Variants in STARD8 observed in about 807,000 individuals in gnomAD.
STARD8 encodes the protein StAR related lipid transfer domain containing 8, also known as stAR-related lipid transfer protein 8.
In STARD8, 25 loss-of-function variants were observed where a neutral mutation model predicts 69.4. The ratio of observed to expected loss-of-function variants is 0.36; its 90% CI spans 0.26 to 0.50. The LOEUF (loss-of-function observed/expected upper bound fraction) is 0.50, where lower values mean the gene tolerates loss of function less well. Ranked by LOEUF, STARD8 falls within the 20% of genes least tolerant of loss-of-function variation. The pLI is 0.96. For missense variants in STARD8, 921 were observed against 932.5 expected (o/e 0.99, Z 0.16); for synonymous variants, 389 against 374.6 (o/e 1.04, Z -0.45).
At chrX:68,699,077 C>G in intron 2 of STARD8, among the ~76,000 whole-genome samples, 1 of 111,890 alleles carries the variant, frequency 8.9e-6, no homozygotes, top group Non-Finnish European at 1.9e-5. Flanking sequence ...CTGTGTCTGT[C>G]CCTAGTGGCC....
At position 68,721,029 on chromosome X, in the gene STARD8, G is replaced by A. The variant is rs1283839577; in HGVS notation, c.2155G>A (p.Asp719Asn). 2 of 1,211,461 alleles carry A rather than the reference G, an allele frequency of 1.7e-6. No homozygotes were observed. The highest frequency in any genetic ancestry group is 2.2e-6 in the Non-Finnish European group (2 of 895,272). The part of the protein sequence containing the change: ...NVCYEGQSAY[D>N]VADLLKQYFR... The stretch of plus-strand genomic sequence containing the variant: ...CTGCTACGAGGGCCAGTCAGCCTAC[G>A]ACGTGGCTGACCTGCTAAAGCAGTA... Residue 719 changes from aspartate (D) to asparagine (N), a missense_variant, in exon 9 of 15, where the codon GAC becomes AAC. Transcript: ENST00000374599.
intron 2 of STARD8, among the ~76,000 whole-genome samples, chrX:68,673,543 AAACAAC>A (rs746104369): frequency 1.8e-5 from 2 of 111,829 alleles, no homozygotes; most frequent in Non-Finnish European, 3.8e-5. Flanking sequence ...CTTTTACCAA[AAACAAC>A]AACAACAACA....
intron 3 of STARD8, among the ~76,000 whole-genome samples, chrX:68,714,042 C>G (rs1312226974): frequency 3.6e-5 from 4 of 112,099 alleles, no homozygotes; most frequent in African/African-American, 1.3e-4. Context: ...TATCTTGAAT[C>G]AATCCACTGC....
At position 68,708,482 on chromosome X, in the gene STARD8, C is replaced by T. The variant is rs1416159257; in HGVS notation, c.80-4432C>T. On this transcript the variant is annotated intron_variant, in intron 2 of 14. Transcript: ENST00000374599. ...GACGTGGCCTGTGTAAATGTAGGTG[C>T]AGATACTGTCATTGACCTCAGAAAG... Among the ~76,000 whole-genome samples, 3 of 112,136 alleles carry T rather than the reference C, an allele frequency of 2.7e-5. No individual in the cohort carries two copies. The East Asian group carries it at 8.5e-4, about 32-fold the overall frequency.
intron 4 of STARD8, among the ~76,000 whole-genome samples, chrX:68,715,936 T>C (rs961383606): frequency 8.9e-6 from 1 of 112,620 alleles, no homozygotes; most frequent in African/African-American, 3.2e-5. Flanking sequence ...CTTAGCCCCA[T>C]TGGTCTCATG....
At chrX:68,719,786 C>G (rs2080131400) in intron 7 of STARD8, among the ~76,000 whole-genome samples, 1 of 112,196 alleles carries the variant, frequency 8.9e-6, no homozygotes. Context: ...CCCCACCTTA[C>G]AGACCAGTGG....
chrX:68,687,691 G>A (rs2185713), intron 2 of STARD8, among the ~76,000 whole-genome samples: 7,253 of 112,169 alleles, frequency 0.065, 568 homozygotes, highest in African/African-American at 0.22. Context: ...TTCCTCCGTG[G>A]TAGAAACAAA....
chrX:68,725,578 A>ATATATG lies in STARD8; in HGVS notation c.*1157_*1158insATATGT, dbSNP rs1187742928. The stretch of plus-strand genomic sequence containing the variant: ...CTAATATATATATATATATATATAT[A>ATATATG]TGTGTGTGTGTGTGTGTGTGTATAT... On this transcript the variant is annotated 3_prime_UTR_variant, in exon 15 of 15. Coordinates refer to ENST00000374599, the MANE Select transcript of STARD8 (RefSeq NM_001142503.3). The ATATATG allele has an allele frequency of 4.5e-3, 425 of 94,902 alleles. 6 individuals carry two copies. Among genetic ancestry groups the ATATATG allele is most frequent in the African/African-American group, 0.017 (396 of 22,744 alleles). 7.8% of individuals were successfully genotyped at this position (94,902 alleles called of 1,213,427 possible). A position where few individuals can be genotyped will look rare whatever the true frequency, so the allele number is the denominator to read the frequency against.
At chrX:68,668,111 T>TTCTG (rs1366978437) in intron 2 of STARD8, among the ~76,000 whole-genome samples, 6 of 96,884 alleles carry the variant, frequency 6.2e-5, no homozygotes, top group Non-Finnish European at 8.2e-5. Flanking sequence ...CTTTCTTTCT[T>TTCTG]TCTGTCTTTC....
intron 1 of STARD8, among the ~76,000 whole-genome samples, chrX:68,664,430 T>TA (rs2079670174): frequency 2.7e-5 from 3 of 112,159 alleles, no homozygotes; most frequent in African/African-American, 9.7e-5. Context: ...CTGCTCTATA[T>TA]CCACCAATGG....
Position 68,721,630 on chromosome X carries a change from C to T in STARD8, c.2343C>T (p.Phe781=). 5 of 1,212,359 alleles carry T rather than the reference C, an allele frequency of 4.1e-6. No individual in the cohort carries two copies. Among genetic ancestry groups the T allele is most frequent in the Non-Finnish European group, 5.6e-6 (5 of 895,653 alleles). Reference sequence around the variant, plus strand: ...AGGTGCTACAGACCCTGCTCTACTTCTTAAGTGACATTGCCTCTGCCGAGG... The same window carrying T: ...AGGTGCTACAGACCCTGCTCTACTTTTTAAGTGACATTGCCTCTGCCGAGG... ...NREVLQTLLY[F]LSDIASAEEN... Residue 781 remains phenylalanine (F), a synonymous_variant, in exon 10 of 15, where the codon TTC becomes TTT. Transcript: ENST00000374599.
chrX:68,651,456 G>A (rs1224636686), intron 1 of STARD8, among the ~76,000 whole-genome samples: 2 of 112,408 alleles, frequency 1.8e-5, no homozygotes, highest in Non-Finnish European at 3.8e-5. Context: ...CGGGAGCTCA[G>A]TCAAGGGCAC....
chrX:68,704,100 C>T (rs753024450), intron 2 of STARD8, among the ~76,000 whole-genome samples: 2 of 111,444 alleles, frequency 1.8e-5, no homozygotes, highest in South Asian at 3.8e-4. Flanking sequence ...CACACTGCAG[C>T]GGCAACACAA....
At chrX:68,676,141 A>G (rs1390829145) in intron 2 of STARD8, among the ~76,000 whole-genome samples, 1 of 112,465 alleles carries the variant, frequency 8.9e-6, no homozygotes, top group Non-Finnish European at 1.9e-5. Context: ...TGAATCATGG[A>G]TGGGTGAAAA....
At chrX:68,661,412 C>T (rs924820748) in intron 1 of STARD8, among the ~76,000 whole-genome samples, 19 of 112,225 alleles carry the variant, frequency 1.7e-4, no homozygotes, top group African/African-American at 3.2e-5. Context: ...TCTGAAAAAA[C>T]TCATGATCTG....
At chrX:68,687,409 C>A (rs2147897941) in intron 2 of STARD8, among the ~76,000 whole-genome samples, 1 of 112,105 alleles carries the variant, frequency 8.9e-6, no homozygotes, top group Non-Finnish European at 1.9e-5. Context: ...CTCACTCTCT[C>A]TCGAGACTCG....
chrX:68,693,899 C>T, intron 2 of STARD8: 1 of 688,280 alleles, frequency 1.5e-6, no homozygotes, highest in South Asian at 7.5e-5. Flanking sequence ...CCCCGCTTTG[C>T]CTCTCTGGCG....
At chrX:68,686,933 G>A (rs1277463719) in intron 2 of STARD8, among the ~76,000 whole-genome samples, 2 of 110,792 alleles carry the variant, frequency 1.8e-5, no homozygotes, top group African/African-American at 3.3e-5. Flanking sequence ...TAAACAGTAT[G>A]TCCCTTTACA....
intron 1 of STARD8, among the ~76,000 whole-genome samples, chrX:68,664,333 C>G (rs2079669443): frequency 9.0e-6 from 1 of 111,699 alleles, no homozygotes; most frequent in South Asian, 3.7e-4. Context: ...AACAGATCTC[C>G]CCACTTCCAC....
Sources: gnomAD v4.1 joint callset for allele counts (sites outside exome capture counted in the v4.1 genomes callset) on GRCh38, gnomAD v4.1.1 for gene constraint, MANE v1.5 for transcripts, NCBI Gene and HGNC (gene_info 2026-07-23, HGNC 2026-07-21) for gene names.